Variants in OPHN1 observed in about 807,000 individuals in gnomAD.
OPHN1 encodes oligophrenin 1, also known as oligophrenin-1.
A neutral mutation model predicts 60.7 loss-of-function variants in OPHN1; 11 were observed. The observed-to-expected ratio is 0.18, with a 90% CI of 0.11 to 0.30. The LOEUF (loss-of-function observed/expected upper bound fraction) is 0.30. Among genes scored for constraint, OPHN1 ranks in the 10% least tolerant of loss-of-function variants. The pLI is 1.00. For synonymous variants in OPHN1, 226 were observed against 222.6 expected (o/e 1.02, Z -0.14); for missense variants, 449 against 611.0 (o/e 0.73, Z 2.80).
At position 68,045,642 on chromosome X, in the gene OPHN1, C is replaced by T. The variant is rs1232981221; in HGVS notation, c.*1530G>A. On this transcript the variant is annotated 3_prime_UTR_variant, in exon 25 of 25. Transcript: ENST00000355520. Reference sequence around the variant, plus strand: ...TACTGATGCTCTTTCCAGCAACTTCCCTTCAACAAACAGGAATTAGAAATG... The same window carrying T: ...TACTGATGCTCTTTCCAGCAACTTCTCTTCAACAAACAGGAATTAGAAATG... The T allele has an allele frequency of 8.9e-6, 1 of 112,080 alleles. No homozygotes were observed. Among genetic ancestry groups the T allele is most frequent in the Non-Finnish European group, 1.9e-5 (1 of 53,264 alleles). 9.2% of individuals were successfully genotyped at this position (112,080 alleles called of 1,213,427 possible). A position where few individuals can be genotyped will look rare whatever the true frequency, so the allele number is the denominator to read the frequency against.
At chrX:68,335,205 A>C (rs2147682479) in intron 2 of OPHN1, among the ~76,000 whole-genome samples, 1 of 108,571 alleles carries the variant, frequency 9.2e-6, no homozygotes, top group East Asian at 2.9e-4. Flanking sequence ...CAACGAAGAT[A>C]CGTTAGGTGC....
intron 15 of OPHN1, among the ~76,000 whole-genome samples, chrX:68,122,228 G>A (rs890455136): frequency 3.6e-5 from 4 of 111,919 alleles, no homozygotes; most frequent in Non-Finnish European, 7.5e-5. Flanking sequence ...AAGTCTTCCA[G>A]ATCTTATTCA....
At chrX:68,271,471 G>C (rs1277968199) in intron 5 of OPHN1, among the ~76,000 whole-genome samples, 1 of 110,603 alleles carries the variant, frequency 9.0e-6, no homozygotes, top group Admixed American at 9.6e-5. Context: ...CAGGGAGGTT[G>C]AGGCTGAAGT....
intron 19 of OPHN1, among the ~76,000 whole-genome samples, chrX:68,091,466 T>C (rs1238224170): frequency 2.7e-5 from 3 of 110,877 alleles, no homozygotes; most frequent in Non-Finnish European, 5.7e-5. Context: ...TGGGAAGAAC[T>C]GTGGGGGAGA....
intron 6 of OPHN1, among the ~76,000 whole-genome samples, chrX:68,227,402 C>A (rs62607134): frequency 1.8e-5 from 2 of 110,989 alleles, no homozygotes; most frequent in African/African-American, 6.5e-5. Flanking sequence ...CTGCACCAAG[C>A]GGACCTAATA....
At chrX:68,124,557 T>C (rs1004886437) in intron 15 of OPHN1, among the ~76,000 whole-genome samples, 3 of 111,711 alleles carry the variant, frequency 2.7e-5, no homozygotes, top group African/African-American at 9.8e-5. Flanking sequence ...ATGGATCTAG[T>C]AGATATTTAC....
chrX:68,396,956 C>T (rs963305299), intron 2 of OPHN1, among the ~76,000 whole-genome samples: 1 of 111,822 alleles, frequency 8.9e-6, no homozygotes, highest in African/African-American at 3.2e-5. Flanking sequence ...ATAGGACTCT[C>T]TCAGGACTGA....
At chrX:68,316,558 G>A in intron 2 of OPHN1, among the ~76,000 whole-genome samples, 1 of 111,390 alleles carries the variant, frequency 9.0e-6, no homozygotes, top group Non-Finnish European at 1.9e-5. Context: ...TGTTCCTTCT[G>A]GAGGCTTTTA....
chrX:68,188,734 G>A (rs1186193936), intron 15 of OPHN1, among the ~76,000 whole-genome samples: 6 of 111,514 alleles, frequency 5.4e-5, no homozygotes, highest in Non-Finnish European at 1.1e-4. Context: ...CAAACAAAGA[G>A]GTCACATAAC....
At chrX:68,337,133 T>C (rs1394752512) in intron 2 of OPHN1, among the ~76,000 whole-genome samples, 1 of 110,422 alleles carries the variant, frequency 9.1e-6, no homozygotes, top group Non-Finnish European at 1.9e-5. Flanking sequence ...GAACCAGAAA[T>C]TGCACCCAAA....
rs777494082 is a variant in OPHN1, at chrX:68,347,382, T to C, written c.155-48286A>G. On this transcript the variant is annotated intron_variant, in intron 2 of 24. Coordinates refer to ENST00000355520, the MANE Select transcript of OPHN1 (RefSeq NM_002547.3). ...CCCAGGCTGGAGTGCAGTAGCACAATCTCAGATCACTGCAGTATCAAATCT... is the reference window on the plus strand; with the variant it reads ...CCCAGGCTGGAGTGCAGTAGCACAACCTCAGATCACTGCAGTATCAAATCT... Among the ~76,000 whole-genome samples the C allele has an allele frequency of 5.1e-5, 5 of 97,681 alleles. No individual in the cohort carries two copies. The East Asian group carries it at 1.5e-3, about 29-fold the overall frequency. 84.8% of individuals were successfully genotyped at this position (97,681 alleles called of 115,157 possible).
intron 18 of OPHN1, among the ~76,000 whole-genome samples, chrX:68,100,775 C>A (rs2077055230): frequency 2.8e-5 from 3 of 109,070 alleles, no homozygotes; most frequent in Non-Finnish European, 1.9e-5. Flanking sequence ...GAGATGGAGT[C>A]TCACTCGGTC....
intron 6 of OPHN1, among the ~76,000 whole-genome samples, chrX:68,231,961 A>G (rs2077730865): frequency 8.9e-6 from 1 of 112,294 alleles, no homozygotes; most frequent in Admixed American, 9.5e-5. Context: ...GATGATCCTA[A>G]AAGAGGAAAT....
At chrX:68,151,024 G>C (rs1361410673) in intron 15 of OPHN1, among the ~76,000 whole-genome samples, 1 of 111,728 alleles carries the variant, frequency 9.0e-6, no homozygotes, top group Admixed American at 9.6e-5. Context: ...TAAGGAACTA[G>C]ATTAAGAAGC....
At chrX:68,261,469 A>T (rs947970564) in intron 5 of OPHN1, among the ~76,000 whole-genome samples, 22 of 111,361 alleles carry the variant, frequency 2.0e-4, no homozygotes, top group Admixed American at 1.5e-3. Flanking sequence ...ATCTTGGGTC[A>T]GAGAAGTCGG....
intron 15 of OPHN1, among the ~76,000 whole-genome samples, chrX:68,163,099 C>T (rs1434825353): frequency 9.0e-6 from 1 of 110,848 alleles, no homozygotes; most frequent in African/African-American, 3.3e-5. Context: ...GAAAAACATG[C>T]ACCTCTCTCA....
rs2078638767 is a variant in OPHN1 at position 68,388,990 on chromosome X, T to TGGA, written c.154+43876_154+43877insTCC. 5.5e-5 allele frequency among the ~76,000 whole-genome samples: 6 copies of TGGA among 109,130 alleles called. No homozygotes were observed. The South Asian group carries it at 2.5e-3, about 45-fold the overall frequency. The allele number at this position is 109,130 out of a possible 115,157, so 94.8% of individuals were successfully genotyped here. A position where few individuals can be genotyped will look rare whatever the true frequency, so the allele number is the denominator to read the frequency against. On this transcript the variant is annotated intron_variant, in intron 2 of 24. Coordinates refer to ENST00000355520, the MANE Select transcript of OPHN1 (RefSeq NM_002547.3). ...TTTTTTTTTTGAGACAGGGTCTCAT[T>TGGA]GTTACCCAACTTGGAGTACAGTGGT...
At chrX:68,420,205 A>C (rs891697873) in intron 2 of OPHN1, among the ~76,000 whole-genome samples, 1 of 111,878 alleles carries the variant, frequency 8.9e-6, no homozygotes, top group Admixed American at 9.5e-5. Flanking sequence ...TCTTCTTGAC[A>C]CTTCTACTTT....
chrX:68,199,619 A>G (rs1040964809), intron 11 of OPHN1, among the ~76,000 whole-genome samples: 2 of 112,552 alleles, frequency 1.8e-5, no homozygotes, highest in African/African-American at 6.5e-5. Context: ...TGTTCCTTAT[A>G]TCAGACTGAC....
Sources: allele counts gnomAD v4.1 joint callset (sites outside exome capture counted in the v4.1 genomes callset), GRCh38; gene constraint gnomAD v4.1.1; transcripts MANE v1.5; gene names NCBI Gene and HGNC (gene_info 2026-07-23, HGNC 2026-07-21).